The following HAPSTR1 variants were observed in gnomAD, a reference collection of about 807,000 sequenced individuals.
HAPSTR1 encodes HUWE1-associated protein modifying stress responses 1.
At chr16:9,116,921 C>T in the HAPSTR1 span, 7 of 1,612,216 alleles carry the variant, frequency 4.3e-6, no homozygotes, top group Non-Finnish European at 5.9e-6. Flanking sequence ...AAACTGCAAA[C>T]ATTTTCACAC....
chr16:9,102,370 C>T, the HAPSTR1 span, among the ~76,000 whole-genome samples: 2 of 152,086 alleles, frequency 1.3e-5, no homozygotes, highest in East Asian at 1.9e-4. Flanking sequence ...GGAGTATATG[C>T]AGAGAATTTA....
the HAPSTR1 span, among the ~76,000 whole-genome samples, chr16:9,098,393 A>C: frequency 6.6e-6 from 1 of 152,238 alleles, no homozygotes; most frequent in African/African-American, 2.4e-5. Flanking sequence ...TGCTAGGTGA[A>C]GATTAAGTAA....
chr16:9,098,760 A>G, the HAPSTR1 span, among the ~76,000 whole-genome samples: 1 of 152,204 alleles, frequency 6.6e-6, no homozygotes, highest in South Asian at 2.1e-4. Flanking sequence ...GTATTTCTTT[A>G]GAAGTGTTGC....
the HAPSTR1 span, chr16:9,120,531 G>T: frequency 1.3e-5 from 2 of 151,742 alleles, no homozygotes; most frequent in African/African-American, 4.8e-5. Flanking sequence ...AGCCTGTGAC[G>T]TAGCAAGTCA....
At chr16:9,093,014 T>G in the HAPSTR1 span, 1 of 1,603,496 alleles carries the variant, frequency 6.2e-7, no homozygotes, top group African/African-American at 1.3e-5. Context: ...AAAGATAACC[T>G]TGCTGCATTG....
chr16:9,098,225 C>T, the HAPSTR1 span, among the ~76,000 whole-genome samples: 4 of 152,110 alleles, frequency 2.6e-5, no homozygotes, highest in African/African-American at 4.8e-5. Context: ...CCAGCTAACT[C>T]GGAAGGCTGA....
chr16:9,099,502 C>G, the HAPSTR1 span, among the ~76,000 whole-genome samples: 6 of 152,108 alleles, frequency 3.9e-5, no homozygotes. Context: ...CCGCCCAGTT[C>G]CTTTTTTGAA....
the HAPSTR1 span, chr16:9,120,557 CT>C: frequency 6.6e-6 from 1 of 151,524 alleles, no homozygotes; most frequent in Non-Finnish European, 1.5e-5. Flanking sequence ...TCGATGGCCC[CT>C]CATTTTTTTT....
At chr16:9,092,691 T>A in the HAPSTR1 span, among the ~76,000 whole-genome samples, 2 of 152,046 alleles carry the variant, frequency 1.3e-5, no homozygotes, top group East Asian at 1.9e-4. Flanking sequence ...TCGTCCCTGA[T>A]CTGTGCCCCT....
At chr16:9,111,161 T>TC in the HAPSTR1 span, 2 of 152,252 alleles carry the variant, frequency 1.3e-5, no homozygotes, top group African/African-American at 4.8e-5. Context: ...AATCCTTTCT[T>TC]CTCTGTGGAA....
the HAPSTR1 span, chr16:9,103,455 T>C: frequency 1.7e-6 from 1 of 587,502 alleles, no homozygotes; most frequent in Non-Finnish European, 2.8e-6. Flanking sequence ...TCCTAGAAAA[T>C]GTTTTTAGAA....
At chr16:9,094,457 T>C in the HAPSTR1 span, among the ~76,000 whole-genome samples, 1 of 152,154 alleles carries the variant, frequency 6.6e-6, no homozygotes, top group East Asian at 1.9e-4. Flanking sequence ...TTACATACAG[T>C]AAAATCACTG....
At chr16:9,115,274 G>A in the HAPSTR1 span, among the ~76,000 whole-genome samples, 1 of 152,174 alleles carries the variant, frequency 6.6e-6, no homozygotes, top group South Asian at 2.1e-4. Flanking sequence ...TTTTTAGGGA[G>A]TTCATGATTA....
chr16:9,092,850 C>T, the HAPSTR1 span: 182 of 1,385,674 alleles, frequency 1.3e-4, no homozygotes, highest in South Asian at 1.5e-3. Flanking sequence ...CATTCTTGTT[C>T]TCTTTCTTTC....
the HAPSTR1 span, among the ~76,000 whole-genome samples, chr16:9,097,084 C>T: frequency 3.3e-5 from 5 of 151,992 alleles, no homozygotes; most frequent in East Asian, 2.0e-4. Context: ...GGATTACAGG[C>T]GCCTGCCACC....
At chr16:9,092,566 AGAG>A in the HAPSTR1 span, among the ~76,000 whole-genome samples, 241 of 152,026 alleles carry the variant, frequency 1.6e-3, no homozygotes, top group Non-Finnish European at 2.8e-3. Flanking sequence ...CGGAGACGGG[AGAG>A]GAGGAGCCCC....
the HAPSTR1 span, chr16:9,111,559 G>C: frequency 6.6e-6 from 1 of 152,164 alleles, no homozygotes; most frequent in Non-Finnish European, 1.5e-5. Context: ...CGGACATAAA[G>C]CTTCCAACAT....
the HAPSTR1 span, among the ~76,000 whole-genome samples, chr16:9,095,946 C>G: frequency 6.6e-6 from 1 of 150,558 alleles, no homozygotes; most frequent in Admixed American, 6.6e-5. Context: ...CAGTAGTATC[C>G]TTAGATCAGT....
At chr16:9,103,219 G>C in the HAPSTR1 span, 1 of 1,614,010 alleles carries the variant, frequency 6.2e-7, no homozygotes. Context: ...CATCTGTAGA[G>C]ACTGATTTGC....
Sources: gnomAD v4.1 joint callset for allele counts (sites outside exome capture counted in the v4.1 genomes callset) on GRCh38, gnomAD v4.1.1 for gene constraint, MANE v1.5 for transcripts, NCBI Gene and HGNC (gene_info 2026-07-23, HGNC 2026-07-21) for gene names.